The following IQCM variants were observed in gnomAD, a reference collection of about 807,000 sequenced individuals.
The protein encoded by IQCM is IQ domain-containing protein M.
Under a neutral mutation model 57.6 loss-of-function variants are expected in IQCM, and 45 were observed. That is an observed-to-expected ratio of 0.78 (90% confidence interval 0.62 to 1.00). The LOEUF (loss-of-function observed/expected upper bound fraction) is 1.00, where lower values mean the gene tolerates loss of function less well. Ranked by LOEUF, IQCM falls within the 50% of genes least tolerant of loss-of-function variation. The probability of loss-of-function intolerance (pLI) is 0.00; values close to 1 mark genes in which losing one functional copy is unlikely to be tolerated. For synonymous variants in IQCM, 148 were observed against 158.9 expected, an observed-to-expected ratio of 0.93 and a Z score of 0.51; for missense variants, 468 against 511.6, an observed-to-expected ratio of 0.91 and a Z score of 0.82.
chr4:149,583,287 T>C (rs1168834068), intron 9 of IQCM, among the ~76,000 whole-genome samples: 1 of 151,570 alleles, frequency 6.6e-6, no homozygotes. Context: ...ACTTACTTCA[T>C]AGATGGTAAA....
At chr4:149,810,213 A>C (rs1033776794) in intron 2 of IQCM, among the ~76,000 whole-genome samples, 8 of 151,644 alleles carry the variant, frequency 5.3e-5, no homozygotes, top group African/African-American at 1.9e-4. Flanking sequence ...GATGAAACCC[A>C]TCATGGGGCA....
At chr4:149,378,081 T>G (rs1338023495) in intron 13 of IQCM, among the ~76,000 whole-genome samples, 1 of 152,164 alleles carries the variant, frequency 6.6e-6, no homozygotes, top group Non-Finnish European at 1.5e-5. Flanking sequence ...ACCCTTTCAC[T>G]TGGTTTTCAT....
intron 2 of IQCM, among the ~76,000 whole-genome samples, chr4:149,769,635 C>T (rs1042278581): frequency 4.0e-5 from 6 of 151,002 alleles, no homozygotes; most frequent in Non-Finnish European, 4.4e-5. Context: ...AATGGAGTAG[C>T]TATATTAATA....
At chr4:149,403,083 C>G (rs1033559838) in intron 13 of IQCM, among the ~76,000 whole-genome samples, 2 of 151,890 alleles carry the variant, frequency 1.3e-5, no homozygotes, top group Admixed American at 6.6e-5. Context: ...ACAAACATAT[C>G]CAGCATAAGC....
chr4:149,587,509 G>T (rs559309402), intron 9 of IQCM, among the ~76,000 whole-genome samples: 8 of 151,794 alleles, frequency 5.3e-5, no homozygotes, highest in African/African-American at 1.4e-4. Flanking sequence ...AGCAATCTAA[G>T]AGTTTTTAAT....
chr4:149,641,069 G>T (rs556988380), intron 7 of IQCM, among the ~76,000 whole-genome samples: 1 of 152,182 alleles, frequency 6.6e-6, no homozygotes, highest in Non-Finnish European at 1.5e-5. Context: ...GGAAGAGGTT[G>T]CAGTGAGCTA....
chr4:149,415,690 TATTC>T (rs781504269), intron 13 of IQCM, among the ~76,000 whole-genome samples: 3 of 152,132 alleles, frequency 2.0e-5, no homozygotes, highest in Non-Finnish European at 2.9e-5. Flanking sequence ...AATAATAGAA[TATTC>T]CATAATGGAA....
At chr4:149,724,895 GTCAA>G (rs1765757693) in intron 5 of IQCM, among the ~76,000 whole-genome samples, 2 of 151,562 alleles carry the variant, frequency 1.3e-5, no homozygotes, top group Admixed American at 1.3e-4. Flanking sequence ...ATTTCTAATA[GTCAA>G]TCATTTTAGT....
At chr4:149,790,883 C>G (rs1309178719) in intron 2 of IQCM, among the ~76,000 whole-genome samples, 1 of 151,806 alleles carries the variant, frequency 6.6e-6, no homozygotes, top group East Asian at 1.9e-4. Flanking sequence ...CAAATGTTTA[C>G]TGCTGCATTT....
chr4:149,715,133 G>A (rs886315349), intron 5 of IQCM, among the ~76,000 whole-genome samples: 27 of 152,308 alleles, frequency 1.8e-4, no homozygotes, highest in African/African-American at 6.5e-4. Context: ...TCTGTGGCTG[G>A]TGGTGCCTTT....
At chr4:149,767,221 CATTT>C (rs1770145856) in intron 2 of IQCM, among the ~76,000 whole-genome samples, 1 of 151,580 alleles carries the variant, frequency 6.6e-6, no homozygotes, top group Admixed American at 6.6e-5. Context: ...CTAAAATGGC[CATTT>C]ATTTATTTCT....
At chr4:149,603,636 G>A (rs1194294179) in intron 8 of IQCM, among the ~76,000 whole-genome samples, 1 of 151,776 alleles carries the variant, frequency 6.6e-6, no homozygotes, top group Non-Finnish European at 1.5e-5. Context: ...GTTAGAGGGT[G>A]TTAGAAAATA....
At chr4:149,798,380 T>C (rs1267189077) in intron 2 of IQCM, among the ~76,000 whole-genome samples, 1 of 151,840 alleles carries the variant, frequency 6.6e-6, no homozygotes, top group Non-Finnish European at 1.5e-5. Flanking sequence ...CTAAATTGTG[T>C]CACCAGAGAA....
At chr4:149,412,531 T>C (rs1267984991) in intron 13 of IQCM, among the ~76,000 whole-genome samples, 1 of 152,152 alleles carries the variant, frequency 6.6e-6, no homozygotes, top group Non-Finnish European at 1.5e-5. Flanking sequence ...TCACATTTCT[T>C]CTACTCACTC....
intron 2 of IQCM, among the ~76,000 whole-genome samples, chr4:149,761,966 T>G (rs559911752): frequency 1.8e-4 from 27 of 152,040 alleles, no homozygotes; most frequent in Non-Finnish European, 2.8e-4. Context: ...AAAGTAAAAA[T>G]TAAGGTCTTT....
chr4:149,543,041 C>A (rs758205669), intron 12 of IQCM, among the ~76,000 whole-genome samples: 11 of 150,636 alleles, frequency 7.3e-5, no homozygotes, highest in Non-Finnish European at 1.5e-4. Context: ...GAGAAAAATA[C>A]CCCTATGAAA....
intron 12 of IQCM, among the ~76,000 whole-genome samples, chr4:149,527,352 C>A (rs1029879694): frequency 6.6e-6 from 1 of 152,100 alleles, no homozygotes; most frequent in East Asian, 1.9e-4. Flanking sequence ...ACTTCAACCC[C>A]CAATGTGATA....
chr4:149,460,173 A>T (rs954295852), intron 12 of IQCM, among the ~76,000 whole-genome samples: 1 of 152,104 alleles, frequency 6.6e-6, no homozygotes, highest in African/African-American at 2.4e-5. Flanking sequence ...AATGATTAGT[A>T]AGGTCAAGCA....
chr4:149,592,307 AT>A (rs892993064), intron 8 of IQCM, among the ~76,000 whole-genome samples: 2 of 151,142 alleles, frequency 1.3e-5, no homozygotes, highest in East Asian at 1.9e-4. Context: ...GGGTTGTTTG[AT>A]TTTTTTTCTT....
Sources: allele counts gnomAD v4.1 joint callset (sites outside exome capture counted in the v4.1 genomes callset), GRCh38; gene constraint gnomAD v4.1.1; transcripts MANE v1.5; gene names NCBI Gene and HGNC (gene_info 2026-07-23, HGNC 2026-07-21).